The following PRSS12 variants were observed in gnomAD, a reference collection of about 807,000 sequenced individuals.
The protein encoded by PRSS12 is neurotrypsin.
Under a neutral mutation model 104.4 loss-of-function variants are expected in PRSS12, and 85 were observed. The observed-to-expected ratio is 0.81, with a 90% confidence interval of 0.68 to 0.98. PRSS12 has a LOEUF of 0.98. Ranked by LOEUF, PRSS12 falls within the 50% of genes least tolerant of loss-of-function variation. The probability of loss-of-function intolerance (pLI) is 0.00; values close to 1 mark genes in which losing one functional copy is unlikely to be tolerated. For synonymous variants in PRSS12, 454 were observed against 425.2 expected, an observed-to-expected ratio of 1.07 and a Z score of -0.83; for missense variants, 1,141 against 1,139.2, an observed-to-expected ratio of 1.00 and a Z score of -0.02.
At chr4:118,289,358 A>C (rs1052909248) in intron 11 of PRSS12, among the ~76,000 whole-genome samples, 4 of 152,224 alleles carry the variant, frequency 2.6e-5, no homozygotes, top group Non-Finnish European at 5.9e-5. Flanking sequence ...AGCTCTGATG[A>C]ACAAGAAATC....
chr4:118,347,719 C>T (rs1395513765), intron 1 of PRSS12, among the ~76,000 whole-genome samples: 1 of 152,116 alleles, frequency 6.6e-6, no homozygotes, highest in African/African-American at 2.4e-5. Flanking sequence ...GACAGGGTCT[C>T]CCTCCGTTGC....
chr4:118,313,135 G>C (rs1743796984), intron 7 of PRSS12, 66 bp downstream of exon 7: 2 of 1,568,152 alleles, frequency 1.3e-6, no homozygotes, highest in African/African-American at 1.4e-5. Flanking sequence ...TCATATTCAA[G>C]GCCAGTGGTT....
chr4:118,305,167 T>C (rs903531218), intron 8 of PRSS12, among the ~76,000 whole-genome samples: 6 of 150,910 alleles, frequency 4.0e-5, no homozygotes, highest in Non-Finnish European at 8.9e-5. Context: ...TATACATATA[T>C]GTTCTTATAT....
rs1743238965 is a variant in PRSS12 at position 118,295,780 on chromosome 4, T to TA, written c.1913dup (p.Leu638PhefsTer31). 1 of 1,612,392 alleles carries TA rather than the reference T, an allele frequency of 6.2e-7. No individual in the cohort carries two copies. Among genetic ancestry groups the TA allele is most frequent in the South Asian group, 1.1e-5 (1 of 91,058 alleles). ...ATCTCTTTTGGAGGAACATTTACCT[T>TA]AAAGAATTTTTCCCACCAATGATCC... On this transcript the variant is annotated frameshift_variant, in exon 10 of 13. Transcript: ENST00000296498. LOFTEE classifies it high-confidence loss of function.
chr4:118,328,774 C>G (rs1300558251), intron 4 of PRSS12, among the ~76,000 whole-genome samples: 2 of 152,074 alleles, frequency 1.3e-5, no homozygotes, highest in African/African-American at 4.8e-5. Flanking sequence ...CAGTTGTGCT[C>G]CACCACACTT....
intron 8 of PRSS12, among the ~76,000 whole-genome samples, chr4:118,307,342 C>G (rs1364333062): frequency 6.6e-6 from 1 of 152,040 alleles, no homozygotes; most frequent in Non-Finnish European, 1.5e-5. Flanking sequence ...AACATGTGAA[C>G]TTTTATTAAA....
chr4:118,282,697 A>G, intron 12 of PRSS12, 134 bp downstream of exon 12: 4 of 1,184,740 alleles, frequency 3.4e-6, no homozygotes, highest in Non-Finnish European at 5.0e-6. Context: ...AATTACATGC[A>G]TGCATTTCAC....
chr4:118,312,376 G>A (rs966799627), intron 7 of PRSS12, among the ~76,000 whole-genome samples: 7 of 151,178 alleles, frequency 4.6e-5, no homozygotes, highest in South Asian at 2.1e-4. Context: ...ACACACACAC[G>A]CACACACATA....
intron 9 of PRSS12, among the ~76,000 whole-genome samples, chr4:118,296,550 C>A (rs1167131955): frequency 6.6e-6 from 1 of 152,070 alleles, no homozygotes; most frequent in African/African-American, 2.4e-5. Flanking sequence ...TTTGAGAAAA[C>A]AGGAGAATTT....
intron 4 of PRSS12, among the ~76,000 whole-genome samples, chr4:118,325,337 A>C (rs1020837622): frequency 2.0e-5 from 3 of 151,844 alleles, no homozygotes; most frequent in East Asian, 3.9e-4. Context: ...AAAAAAAAAA[A>C]AACACTACCT....
chr4:118,327,528 T>C (rs931487472), intron 4 of PRSS12, among the ~76,000 whole-genome samples: 2 of 152,066 alleles, frequency 1.3e-5, no homozygotes, highest in African/African-American at 4.8e-5. Flanking sequence ...CTATATAATT[T>C]TAGAGCAAAA....
At chr4:118,318,278 G>T in intron 5 of PRSS12, 100 bp downstream of exon 5, 1 of 1,121,108 alleles carries the variant, frequency 8.9e-7, no homozygotes, top group Non-Finnish European at 1.3e-6. Context: ...TTATTTGTAT[G>T]CTCATTTGGT....
Position 118,338,287 on chromosome 4 carries a change from T to C in PRSS12, c.530A>G (p.Asn177Ser). ...HGSVRLRGGK[N>S]EFEGTVEVYA... ...TACTTCCACTGTGCCTTCAAACTCA[T>C]TTTTGCCGCCACGAAGTCGTACTGA... The change falls in exon 2 of 13, where the codon AAT becomes AGT. Residue 177 changes from asparagine to serine, a missense_variant. Transcript: ENST00000296498. 4 of 1,614,020 alleles carry C rather than the reference T, an allele frequency of 2.5e-6. No homozygotes were observed. Among genetic ancestry groups the C allele is most frequent in the Non-Finnish European group, 2.5e-6 (3 of 1,179,928 alleles).
rs1346376909 is a variant in PRSS12, at chr4:118,282,217, G to C, written c.2347C>G (p.Gln783Glu). ...TTAGGAAGTAAGGGAATGGCTGCTT[G>C]TTGTAGTGTTCTTGAATAGGCTCGT... The part of the protein sequence containing the change: ...TGRAYSRTLQ[Q>E]AAIPLLPKRF... Residue 783 changes from glutamine (Q) to glutamate (E), a missense_variant, in exon 13 of 13, where the codon CAA (glutamine) becomes GAA (glutamate). By Grantham distance (29) the Gln-to-Glu change is conservative. Coordinates refer to ENST00000296498, the MANE Select transcript of PRSS12 (RefSeq NM_003619.4). The C allele has an allele frequency of 1.2e-6, 2 of 1,614,178 alleles. No homozygotes were observed. The highest frequency in any genetic ancestry group is 2.2e-5 in the East Asian group (1 of 44,886).
chr4:118,313,368 A>T lies in PRSS12; in HGVS notation c.1322T>A (p.Phe441Tyr), dbSNP rs568736066. Residue 441 changes from phenylalanine (F) to tyrosine (Y), a missense_variant, in exon 7 of 13, where the codon TTT (phenylalanine) becomes TAT (tyrosine). Transcript: ENST00000296498. ...CCATATGGGCCCTGTGCTTTCTTCA[A>T]AATGGTTGGCAGATGCTTGTTTACC... ...KYGKQASANH[F>Y]EESTGPIWLD... 6.2e-7 allele frequency: 1 copy of T among 1,614,102 alleles called. No individual in the cohort carries two copies. The highest frequency in any genetic ancestry group is 8.5e-7 in the Non-Finnish European group (1 of 1,180,002).
chr4:118,308,335 A>T, intron 8 of PRSS12, 101 bp downstream of exon 8: 1 of 1,482,422 alleles, frequency 6.7e-7, no homozygotes, highest in Non-Finnish European at 9.3e-7. Context: ...CAAATGAATG[A>T]CAGAAGCTCA....
intron 7 of PRSS12, among the ~76,000 whole-genome samples, chr4:118,310,999 C>T (rs764477283): frequency 4.0e-5 from 6 of 151,872 alleles, no homozygotes; most frequent in African/African-American, 1.5e-4. Flanking sequence ...TGCAGTGAGC[C>T]GAGATTGCGC....
chr4:118,348,967 A>G (rs1724424915), intron 1 of PRSS12, among the ~76,000 whole-genome samples: 1 of 152,030 alleles, frequency 6.6e-6, no homozygotes, highest in Non-Finnish European at 1.5e-5. Flanking sequence ...ATGATTCTTT[A>G]GTATTAATTT....
At chr4:118,321,634 C>G (rs950947882) in intron 4 of PRSS12, among the ~76,000 whole-genome samples, 1 of 152,144 alleles carries the variant, frequency 6.6e-6, no homozygotes, top group Non-Finnish European at 1.5e-5. Flanking sequence ...GGAATCCCCA[C>G]GTACCCCTGA....
Sources: allele counts gnomAD v4.1 joint callset (sites outside exome capture counted in the v4.1 genomes callset), GRCh38; gene constraint gnomAD v4.1.1; transcripts MANE v1.5; gene names NCBI Gene and HGNC (gene_info 2026-07-23, HGNC 2026-07-21).